The following NELL1 variants were observed in gnomAD, a reference collection of about 807,000 sequenced individuals.
The protein encoded by NELL1 is protein kinase C-binding protein NELL1.
A neutral mutation model predicts 107.4 loss-of-function variants in NELL1; 76 were observed. The ratio of observed to expected loss-of-function variants is 0.71; its 90% CI spans 0.59 to 0.86. The LOEUF (loss-of-function observed/expected upper bound fraction) is 0.86. Ranked by LOEUF, NELL1 falls within the 40% of genes least tolerant of loss-of-function variation. The pLI, the probability that NELL1 is intolerant of heterozygous loss-of-function variation, is 0.00. For synonymous variants in NELL1, 353 were observed against 341.2 expected, an observed-to-expected ratio of 1.03 and a Z score of -0.38; for missense variants, 1,024 against 1,005.5, an observed-to-expected ratio of 1.02 and a Z score of -0.25.
intron 13 of NELL1, among the ~76,000 whole-genome samples, chr11:21,170,892 G>A (rs1856593437): frequency 6.6e-6 from 1 of 151,278 alleles, no homozygotes; most frequent in Non-Finnish European, 1.5e-5. Flanking sequence ...TTACTAACAT[G>A]TTATCTATCA....
At chr11:21,492,742 T>C (rs1466754920) in intron 15 of NELL1, among the ~76,000 whole-genome samples, 3 of 100,474 alleles carry the variant, frequency 3.0e-5, no homozygotes, top group African/African-American at 3.9e-5. Context: ...CTGGGGACTG[T>C]TGTGGGGTGG....
At chr11:21,162,623 G>C (rs184380518) in intron 13 of NELL1, among the ~76,000 whole-genome samples, 1 of 152,138 alleles carries the variant, frequency 6.6e-6, no homozygotes, top group Admixed American at 6.6e-5. Flanking sequence ...CATAGGGCTT[G>C]GAATTAGTTT....
At chr11:21,491,056 G>T (rs1168766035) in intron 15 of NELL1, among the ~76,000 whole-genome samples, 1 of 151,958 alleles carries the variant, frequency 6.6e-6, no homozygotes, top group East Asian at 1.9e-4. Context: ...CTATCCAAGG[G>T]ACTAACATTC....
chr11:21,392,469 T>C (rs1219631611), intron 15 of NELL1, among the ~76,000 whole-genome samples: 1 of 151,816 alleles, frequency 6.6e-6, no homozygotes, highest in Non-Finnish European at 1.5e-5. Context: ...ACTTTTATCA[T>C]TTCTCCTGTG....
chr11:20,676,027 G>T (rs1301590311), intron 1 of NELL1, among the ~76,000 whole-genome samples: 4 of 152,066 alleles, frequency 2.6e-5, no homozygotes, highest in Non-Finnish European at 5.9e-5. Context: ...AGAATTACAG[G>T]TGTGAGCCAC....
At chr11:20,900,995 G>T (rs1382643761) in intron 5 of NELL1, among the ~76,000 whole-genome samples, 1 of 152,034 alleles carries the variant, frequency 6.6e-6, no homozygotes, top group Non-Finnish European at 1.5e-5. Flanking sequence ...AGTACATGAA[G>T]TAAACATACA....
chr11:21,062,672 C>G (rs924739891), intron 12 of NELL1, among the ~76,000 whole-genome samples: 2 of 152,166 alleles, frequency 1.3e-5, no homozygotes, highest in Admixed American at 6.5e-5. Flanking sequence ...CATTCCACGG[C>G]AAGACTGCCC....
At chr11:21,554,234 C>A (rs989058790) in intron 16 of NELL1, among the ~76,000 whole-genome samples, 1 of 151,780 alleles carries the variant, frequency 6.6e-6, no homozygotes, top group East Asian at 1.9e-4. Context: ...AACTTTTCTT[C>A]GTCTACAGTA....
intron 13 of NELL1, among the ~76,000 whole-genome samples, chr11:21,164,322 T>G (rs1856435616): frequency 6.6e-6 from 1 of 152,180 alleles, no homozygotes; most frequent in Admixed American, 6.5e-5. Flanking sequence ...CCTTGTGAAA[T>G]TTAAGAGGAT....
In NELL1 at chr11:21,290,325, C is replaced by T. The variant is rs894166741; in HGVS notation, c.1549+60871C>T. On this transcript the variant is annotated intron_variant, in intron 14 of 19. Transcript: ENST00000357134. ...TGGAGCTTGCAGTGAGCCAAGATTG[C>T]GCCACCGCACTCCAGCCTGGGTGAC... Among the ~76,000 whole-genome samples the T allele has an allele frequency of 6.6e-5, 10 of 151,418 alleles. No individual in the cohort carries two copies. The East Asian group carries it at 1.2e-3, about 18-fold the overall frequency.
chr11:21,184,968 T>C (rs1477859157), intron 13 of NELL1, among the ~76,000 whole-genome samples: 1 of 151,900 alleles, frequency 6.6e-6, no homozygotes, highest in Non-Finnish European at 1.5e-5. Flanking sequence ...TTAGCACCGA[T>C]AATTACTGAT....
At chr11:21,015,760 C>T (rs1365955046) in intron 12 of NELL1, among the ~76,000 whole-genome samples, 2 of 152,028 alleles carry the variant, frequency 1.3e-5, no homozygotes, top group Non-Finnish European at 2.9e-5. Flanking sequence ...CTCTCCTTTA[C>T]AGGTGTTAAC....
chr11:21,253,465 A>T (rs1443177257), intron 14 of NELL1, among the ~76,000 whole-genome samples: 1 of 152,114 alleles, frequency 6.6e-6, no homozygotes, highest in East Asian at 1.9e-4. Flanking sequence ...TGTTTTATAG[A>T]TGATGAAACT....
At chr11:21,518,161 T>C (rs939982636) in intron 15 of NELL1, among the ~76,000 whole-genome samples, 1 of 152,034 alleles carries the variant, frequency 6.6e-6, no homozygotes, top group African/African-American at 2.4e-5. Context: ...AAGGTGCTGA[T>C]TTTCCCCCTT....
Position 20,687,045 on chromosome 11 carries a change from CT to C in NELL1, c.184+8998del, listed in dbSNP as rs59411780. Reference sequence around the variant, plus strand: ...TCTGTTTTGGGATCTCTCTCTCTCTCTTTTTTTTTTTTTCAAATTTTTAGTT... The same window carrying C: ...TCTGTTTTGGGATCTCTCTCTCTCTCTTTTTTTTTTTTCAAATTTTTAGTT... On this transcript the variant is annotated intron_variant, in intron 2 of 19. Coordinates refer to ENST00000357134, the MANE Select transcript of NELL1 (RefSeq NM_006157.5). Among the ~76,000 whole-genome samples, 455 of 128,970 alleles carry C rather than the reference CT, an allele frequency of 3.5e-3. 2 individuals carry two copies. The highest frequency in any genetic ancestry group is 9.7e-3 in the African/African-American group (345 of 35,736). 84.6% of individuals were successfully genotyped at this position (128,970 alleles called of 152,430 possible).
intron 9 of NELL1, chr11:20,935,881 G>T (rs1040555471): frequency 6.6e-6 from 1 of 152,420 alleles, no homozygotes; most frequent in African/African-American, 2.4e-5. Context: ...AGGTTAGAAG[G>T]TTGCCAGGCA....
chr11:20,823,802 G>A (rs1026494160), intron 3 of NELL1, among the ~76,000 whole-genome samples: 9 of 151,120 alleles, frequency 6.0e-5, no homozygotes, highest in Non-Finnish European at 8.9e-5. Context: ...GGTGGAAGGC[G>A]AGCCAAGGCT....
At chr11:21,524,563 T>G (rs551609561) in intron 15 of NELL1, among the ~76,000 whole-genome samples, 2 of 152,198 alleles carry the variant, frequency 1.3e-5, no homozygotes, top group African/African-American at 4.8e-5. Context: ...AAGCCTCAAA[T>G]TCAATGGAAT....
intron 15 of NELL1, among the ~76,000 whole-genome samples, chr11:21,477,099 G>A (rs1854356457): frequency 6.6e-6 from 1 of 152,162 alleles, no homozygotes; most frequent in African/African-American, 2.4e-5. Flanking sequence ...AGTGGGACAT[G>A]TGATGTAGTG....
Sources: allele counts gnomAD v4.1 joint callset (sites outside exome capture counted in the v4.1 genomes callset), GRCh38; gene constraint gnomAD v4.1.1; transcripts MANE v1.5; gene names NCBI Gene and HGNC (gene_info 2026-07-23, HGNC 2026-07-21).